The following MCC variants were observed in gnomAD, a reference collection of about 807,000 sequenced individuals.
The protein encoded by MCC is colorectal mutant cancer protein.
In MCC, 90 loss-of-function variants were observed where a neutral mutation model predicts 116.2. The observed-to-expected ratio is 0.77, with a 90% CI of 0.65 to 0.92. The LOEUF is 0.92. Ranked by LOEUF, MCC falls within the 40% of genes least tolerant of loss-of-function variation. The probability of loss-of-function intolerance (pLI) is 0.00; values close to 1 mark genes in which losing one functional copy is unlikely to be tolerated. For synonymous variants in MCC, 578 were observed against 510.5 expected (o/e 1.13, Z -1.78); for missense variants, 1,516 against 1,312.2 (o/e 1.16, Z -2.40).
Position 113,082,842 on chromosome 5 carries a change from G to A in MCC, c.1784+18C>T, listed in dbSNP as rs770548452. On this transcript the variant is annotated intron_variant, in intron 11 of 18. Coordinates refer to ENST00000408903, the MANE Select transcript of MCC (RefSeq NM_001085377.2). ...CTCCTCCCTGCCCCACAATCAAATC[G>A]ATACGATCTCTCCTCACCTATTCAG... is the stretch of plus-strand genomic sequence containing the variant. The A allele has an allele frequency of 8.1e-6, 13 of 1,611,294 alleles. No individual in the cohort carries two copies. The highest frequency in any genetic ancestry group is 1.6e-4 in the Middle Eastern group (1 of 6,066).
At chr5:113,406,437 A>C (rs1769836173) in intron 1 of MCC, among the ~76,000 whole-genome samples, 1 of 152,118 alleles carries the variant, frequency 6.6e-6, no homozygotes, top group South Asian at 2.1e-4. Context: ...AATCAGCCAC[A>C]TTTCTGTTGG....
At chr5:113,480,803 G>A (rs1772359155) in intron 1 of MCC, among the ~76,000 whole-genome samples, 1 of 152,150 alleles carries the variant, frequency 6.6e-6, no homozygotes, top group African/African-American at 2.4e-5. Context: ...TTCAGACAGT[G>A]TCTTGCTCTG....
intron 2 of MCC, among the ~76,000 whole-genome samples, chr5:113,352,137 CT>C (rs1000984986): frequency 6.6e-6 from 1 of 152,170 alleles, no homozygotes; most frequent in African/African-American, 2.4e-5. Context: ...CTATAGTAGA[CT>C]GTTCCCATTA....
intron 14 of MCC, among the ~76,000 whole-genome samples, chr5:113,057,843 G>C (rs954980381): frequency 1.3e-5 from 2 of 152,262 alleles, no homozygotes; most frequent in African/African-American, 4.8e-5. Context: ...GCAAACTCAA[G>C]TACTGGCACT....
chr5:113,250,803 A>T (rs1179826577), intron 3 of MCC, among the ~76,000 whole-genome samples: 3 of 152,108 alleles, frequency 2.0e-5, no homozygotes, highest in African/African-American at 7.2e-5. Flanking sequence ...CACTCCCTCT[A>T]CTTCCTACAT....
chr5:113,125,319 T>C (rs1415162596), intron 5 of MCC, among the ~76,000 whole-genome samples: 1 of 152,136 alleles, frequency 6.6e-6, no homozygotes, highest in African/African-American at 2.4e-5. Flanking sequence ...ATGGTAATCA[T>C]TATAAGTATT....
chr5:113,366,667 A>C (rs1768696396), intron 2 of MCC, among the ~76,000 whole-genome samples: 1 of 152,226 alleles, frequency 6.6e-6, no homozygotes, highest in African/African-American at 2.4e-5. Flanking sequence ...ACAATAAGTA[A>C]GAGTGGCTTG....
Position 113,435,199 on chromosome 5 carries a change from T to A in MCC, c.171-49987A>T, listed in dbSNP as rs527275619. ...GGGGACTGTGTGGGACACATGGGCC[T>A]GCCCATGCTTCCAAACCCAGAGCCA... On this transcript the variant is annotated intron_variant, in intron 1 of 18. Coordinates refer to ENST00000408903, the MANE Select transcript of MCC (RefSeq NM_001085377.2). 7.4e-5 allele frequency: 17 copies of A among 228,558 alleles called. No individual in the cohort carries two copies. In the South Asian group the frequency reaches 1.9e-3, roughly 25 times the overall value. The allele number at this position is 228,558 out of a possible 1,614,324, so 14.2% of individuals were successfully genotyped here.
intron 6 of MCC, among the ~76,000 whole-genome samples, chr5:113,115,025 G>A (rs939533147): frequency 6.6e-6 from 1 of 152,168 alleles, no homozygotes; most frequent in African/African-American, 2.4e-5. Context: ...TAACACTTAA[G>A]CTGTCCACGA....
In MCC at chr5:113,053,818, G is replaced by T. The variant is rs151022367; in HGVS notation, c.2355C>A (p.Ile785=). The T allele has an allele frequency of 1.5e-3, 2,346 of 1,614,100 alleles. 3 individuals are homozygous for T. Among genetic ancestry groups the T allele is most frequent in the Non-Finnish European group, 1.8e-3 (2,165 of 1,180,022 alleles). Residue 785 remains isoleucine, a synonymous_variant, in exon 15 of 19, where the codon ATC becomes ATA. Coordinates refer to ENST00000408903, the MANE Select transcript of MCC (RefSeq NM_001085377.2). ...GCTTGACGTCATAGCTGAGAGGATC[G>T]ATGTGGATGCTTTCCAGCTCCAGCA... ...LTMLELESIH[I]DPLSYDVKPR... is the part of the protein sequence containing the mutation.
intron 3 of MCC, among the ~76,000 whole-genome samples, chr5:113,265,224 T>C (rs999571947): frequency 6.6e-6 from 1 of 152,186 alleles, no homozygotes; most frequent in Non-Finnish European, 1.5e-5. Context: ...GGCCCAAGTC[T>C]GCTATGCCTC....
intron 14 of MCC, among the ~76,000 whole-genome samples, 169 bp downstream of exon 14, chr5:113,063,815 G>A (rs1358495035): frequency 2.0e-5 from 3 of 152,230 alleles, no homozygotes; most frequent in African/African-American, 4.8e-5. Flanking sequence ...TAGCTCTTCT[G>A]TTCTGATCTT....
At chr5:113,262,110 G>A (rs562803683) in intron 3 of MCC, among the ~76,000 whole-genome samples, 24 of 151,038 alleles carry the variant, frequency 1.6e-4, no homozygotes, top group Non-Finnish European at 2.8e-4. Context: ...TTTTAAGTAC[G>A]AGGTCCATGC....
chr5:113,131,356 C>T (rs1758416600), intron 5 of MCC, among the ~76,000 whole-genome samples: 1 of 152,034 alleles, frequency 6.6e-6, no homozygotes, highest in African/African-American at 2.4e-5. Context: ...AAAAAGCCAC[C>T]CATAACAGTT....
chr5:113,096,505 G>A (rs183755931), intron 8 of MCC, among the ~76,000 whole-genome samples: 7 of 152,248 alleles, frequency 4.6e-5, no homozygotes, highest in African/African-American at 7.2e-5. Flanking sequence ...GGCCAAGCCC[G>A]GCTGGTATCA....
At position 113,068,199 on chromosome 5, in the gene MCC, T is replaced by A. The variant is rs375901440; in HGVS notation, c.1926-16A>T. 6.2e-7 allele frequency: 1 copy of A among 1,602,454 alleles called. No homozygotes were observed. The highest frequency in any genetic ancestry group is 8.5e-7 in the Non-Finnish European group (1 of 1,169,666). ...GCACTGCTCGCTGAAACAAAGCACA[T>A]GGGGCCTCAGCCCTTGCAGAGAACA... On this transcript the variant is annotated splice_polypyrimidine_tract_variant and intron_variant, in intron 12 of 18. Transcript: ENST00000408903.
At chr5:113,410,967 T>C (rs1037957130) in intron 1 of MCC, among the ~76,000 whole-genome samples, 3 of 152,254 alleles carry the variant, frequency 2.0e-5, no homozygotes, top group African/African-American at 7.2e-5. Flanking sequence ...TAGTATTCCA[T>C]GGTGTATATG....
intron 16 of MCC, chr5:113,044,455 C>G (rs1412995250): frequency 1.0e-6 from 1 of 977,308 alleles, no homozygotes; most frequent in African/African-American, 1.8e-5. Flanking sequence ...CTACATAGTA[C>G]CATGGCTGGG....
intron 3 of MCC, among the ~76,000 whole-genome samples, chr5:113,197,086 G>A (rs915011271): frequency 6.6e-6 from 1 of 152,190 alleles, no homozygotes; most frequent in Non-Finnish European, 1.5e-5. Flanking sequence ...TGATATTGTG[G>A]AATTAGGACT....
Sources: allele counts gnomAD v4.1 joint callset (sites outside exome capture counted in the v4.1 genomes callset), GRCh38; gene constraint gnomAD v4.1.1; transcripts MANE v1.5; gene names NCBI Gene and HGNC (gene_info 2026-07-23, HGNC 2026-07-21).